The following NAA11 variants were observed in gnomAD, a reference collection of about 807,000 sequenced individuals.
NAA11 encodes the protein N-alpha-acetyltransferase 11, NatA catalytic subunit, also known as N-alpha-acetyltransferase 11.
Under a neutral mutation model 16.1 loss-of-function variants are expected in NAA11, and 15 were observed. The ratio of observed to expected loss-of-function variants is 0.93; its 90% CI spans 0.62 to 1.44. The LOEUF (loss-of-function observed/expected upper bound fraction) is 1.44, where lower values mean the gene tolerates loss of function less well. NAA11 is among the 40% of genes most tolerant of loss of function. The pLI is 0.00. For synonymous variants in NAA11, 122 were observed against 112.4 expected, an observed-to-expected ratio of 1.09 and a Z score of -0.54; for missense variants, 298 against 291.3, an observed-to-expected ratio of 1.02 and a Z score of -0.17.
At chr4:79,181,228 A>G in the NAA11 span, among the ~76,000 whole-genome samples, 1 of 137,124 alleles carries the variant, frequency 7.3e-6, no homozygotes, top group East Asian at 2.1e-4. Flanking sequence ...TTAAAGTATT[A>G]AAAAAAAAAA....
chr4:79,313,413 G>A (rs1361667703), downstream of NAA11, among the ~76,000 whole-genome samples: 1 of 152,164 alleles, frequency 6.6e-6, no homozygotes, highest in African/African-American at 2.4e-5. Flanking sequence ...TCCGCACTCT[G>A]TGTCTTCTCA....
At chr4:79,287,849 T>C (rs921932946) in intron 2 of NAA11, among the ~76,000 whole-genome samples, 13 of 152,220 alleles carry the variant, frequency 8.5e-5, no homozygotes, top group African/African-American at 3.1e-4. Flanking sequence ...TTTTTCTCTT[T>C]GCAGATTATA....
chr4:79,197,441 G>A, the NAA11 span: 2 of 151,852 alleles, frequency 1.3e-5, no homozygotes, highest in African/African-American at 4.8e-5. Flanking sequence ...ATGGGTGAAG[G>A]GTACTTTCTT....
chr4:79,190,217 G>A, the NAA11 span, among the ~76,000 whole-genome samples: 1 of 151,864 alleles, frequency 6.6e-6, no homozygotes, highest in African/African-American at 2.4e-5. Context: ...AAAACTAAAG[G>A]ACAAAATTGA....
the NAA11 span, among the ~76,000 whole-genome samples, chr4:79,177,559 C>T: frequency 6.6e-6 from 1 of 152,108 alleles, no homozygotes; most frequent in Non-Finnish European, 1.5e-5. Flanking sequence ...TCATTTGAGT[C>T]ATACTATTAA....
intron 2 of NAA11, among the ~76,000 whole-genome samples, chr4:79,268,584 G>C (rs1722403074): frequency 6.6e-6 from 1 of 152,094 alleles, no homozygotes; most frequent in Admixed American, 6.6e-5. Context: ...CAAAAGAAGT[G>C]ACTATGTATC....
rs752354934 is a variant in NAA11, at chr4:79,325,572, A to G, written c.306T>C (p.Phe102=). ...CGTGCAGAGACACGTATTTGGCGTT[A>G]AAGTTCTCTATCATGGCCCTGGAGG... ...DQASRAMIEN[F]NAKYVSLHVR... The change falls in exon 1 of 2, where the codon TTT becomes TTC. Residue 102 remains phenylalanine, a synonymous_variant. Coordinates refer to ENST00000286794, the MANE Select transcript of NAA11 (RefSeq NM_032693.3). 1.5e-5 allele frequency: 25 copies of G among 1,613,970 alleles called. No individual in the cohort carries two copies. The highest frequency in any genetic ancestry group is 1.9e-5 in the Non-Finnish European group (22 of 1,179,962).
intron 1 of NAA11, among the ~76,000 whole-genome samples, chr4:79,296,694 C>G (rs1204394714): frequency 6.6e-6 from 1 of 152,152 alleles, no homozygotes; most frequent in Non-Finnish European, 1.5e-5. Flanking sequence ...GCATTGAAGG[C>G]TCTCTTTTCT....
At position 79,325,330 on chromosome 4, in the gene NAA11, C is replaced by T. The variant is rs370284863; in HGVS notation, c.548G>A (p.Ser183Asn). The T allele has an allele frequency of 6.2e-6, 10 of 1,613,846 alleles. No individual in the cohort carries two copies. Among genetic ancestry groups the T allele is most frequent in the Non-Finnish European group, 8.5e-6 (10 of 1,179,874 alleles). Residue 183 changes from serine (S) to asparagine (N), a missense_variant, in exon 1 of 2, where the codon AGC (serine) becomes AAC (asparagine). Coordinates refer to ENST00000286794, the MANE Select transcript of NAA11 (RefSeq NM_032693.3). ...GGCCTCTTCAGAATCAGAAAGTGTG[C>T]TGCCCTGGGTCTCCTGGTTCTCCCT... Reference protein sequence around the residue: ...GSRENQETQGSTLSDSEEACQ... With the variant: ...GSRENQETQGNTLSDSEEACQ...
intron 2 of NAA11, among the ~76,000 whole-genome samples, chr4:79,272,620 A>T (rs963595614): frequency 1.3e-5 from 2 of 152,038 alleles, no homozygotes; most frequent in African/African-American, 4.8e-5. Context: ...TAGGGTATGA[A>T]TTATGATTTA....
rs988249268 is a variant in NAA11, at chr4:79,233,891, GTAGA to G, written c.*123-7625_*123-7622del. Among the ~76,000 whole-genome samples, 3 of 151,968 alleles carry G rather than the reference GTAGA, an allele frequency of 2.0e-5. No individual in the cohort carries two copies. The South Asian group carries it at 6.2e-4, about 32-fold the overall frequency. ...GAAGATGCACTCTCTTTTACTTGGG[GTAGA>G]TAAATTGGTAGAATATATTTCTGGG... On this transcript the variant is annotated intron_variant and NMD_transcript_variant, in intron 2 of 2. Coordinates refer to the NAA11 transcript ENST00000511542.
the NAA11 span, among the ~76,000 whole-genome samples, chr4:79,204,074 C>G: frequency 6.6e-6 from 1 of 151,814 alleles, no homozygotes; most frequent in Non-Finnish European, 1.5e-5. Flanking sequence ...ATTGATATAA[C>G]TTTTCTGAAA....
chr4:79,236,544 T>C (rs1003308864), intron 2 of NAA11, among the ~76,000 whole-genome samples: 2 of 152,160 alleles, frequency 1.3e-5, no homozygotes, highest in African/African-American at 4.8e-5. Flanking sequence ...GAAGAAATTA[T>C]ACCTCAATTG....
the NAA11 span, among the ~76,000 whole-genome samples, chr4:79,160,141 G>A: frequency 2.0e-5 from 3 of 151,912 alleles, no homozygotes; most frequent in Admixed American, 1.3e-4. Context: ...ACAGGTGCCT[G>A]CCACCATGCT....
At chr4:79,211,167 G>A in the NAA11 span, among the ~76,000 whole-genome samples, 2 of 152,132 alleles carry the variant, frequency 1.3e-5, no homozygotes, top group Non-Finnish European at 2.9e-5. Context: ...CTGAGCTTGT[G>A]TAAAACATGA....
the NAA11 span, among the ~76,000 whole-genome samples, chr4:79,179,390 C>G: frequency 9.9e-5 from 15 of 152,186 alleles, no homozygotes; most frequent in African/African-American, 3.4e-4. Flanking sequence ...AGGCAGTGAT[C>G]CAAGAAGATA....
At chr4:79,230,585 G>A (rs1441117766) in intron 2 of NAA11, among the ~76,000 whole-genome samples, 1 of 151,918 alleles carries the variant, frequency 6.6e-6, no homozygotes, top group Non-Finnish European at 1.5e-5. Context: ...CTAAAAATGA[G>A]GTTGGTCTTT....
intron 2 of NAA11, among the ~76,000 whole-genome samples, chr4:79,239,264 T>C (rs1043615981): frequency 1.4e-4 from 22 of 152,210 alleles, no homozygotes; most frequent in African/African-American, 5.3e-4. Context: ...ACTGTTTTGG[T>C]TGTCTACTAT....
downstream of NAA11, among the ~76,000 whole-genome samples, chr4:79,312,328 T>C (rs1723795812): frequency 1.3e-5 from 2 of 152,140 alleles, no homozygotes; most frequent in African/African-American, 4.8e-5. Flanking sequence ...CTATCATGGT[T>C]TACTAATGTT....
Sources: gnomAD v4.1 joint callset for allele counts (sites outside exome capture counted in the v4.1 genomes callset) on GRCh38, gnomAD v4.1.1 for gene constraint, MANE v1.5 for transcripts, NCBI Gene and HGNC (gene_info 2026-07-23, HGNC 2026-07-21) for gene names.